The following DCC variants were observed in gnomAD, a reference collection of about 807,000 sequenced individuals.
The protein encoded by DCC is netrin receptor DCC.
In DCC, 58 loss-of-function variants were observed where a neutral mutation model predicts 172.5. The ratio of observed to expected loss-of-function variants is 0.34; its 90% CI spans 0.27 to 0.42. The LOEUF (loss-of-function observed/expected upper bound fraction) is 0.42, where lower values mean the gene tolerates loss of function less well. DCC is among the 10% of genes least tolerant of loss of function. The probability of loss-of-function intolerance (pLI) is 1.00; values close to 1 mark genes in which losing one functional copy is unlikely to be tolerated. For synonymous variants in DCC, 709 were observed against 644.5 expected, an observed-to-expected ratio of 1.10 and a Z score of -1.52; for missense variants, 1,740 against 1,791.0, an observed-to-expected ratio of 0.97 and a Z score of 0.51.
At chr18:53,446,597 A>G (rs1173278846) in intron 22 of DCC, among the ~76,000 whole-genome samples, 1 of 152,184 alleles carries the variant, frequency 6.6e-6, no homozygotes, top group Non-Finnish European at 1.5e-5. Context: ...ATAGATCCTC[A>G]TTACTTGCAG....
At chr18:53,247,668 A>T (rs2056381583) in intron 12 of DCC, among the ~76,000 whole-genome samples, 1 of 151,980 alleles carries the variant, frequency 6.6e-6, no homozygotes, top group Non-Finnish European at 1.5e-5. Flanking sequence ...ATAGATGTTA[A>T]TTTTTAAAAT....
intron 1 of DCC, among the ~76,000 whole-genome samples, chr18:52,367,562 GC>G (rs1401836580): frequency 2.0e-5 from 3 of 152,294 alleles, no homozygotes; most frequent in Admixed American, 1.3e-4. Context: ...AGTCCTTGTT[GC>G]TTGTGTCATC....
intron 1 of DCC, among the ~76,000 whole-genome samples, chr18:52,553,482 A>C (rs1026508066): frequency 1.1e-4 from 16 of 152,084 alleles, no homozygotes; most frequent in Non-Finnish European, 1.3e-4. Context: ...ACCAGGCGAC[A>C]CAAAGAGAAT....
At chr18:53,424,954 C>T (rs1007121671) in intron 21 of DCC, among the ~76,000 whole-genome samples, 41 of 152,184 alleles carry the variant, frequency 2.7e-4, no homozygotes, top group Admixed American at 2.0e-3. Flanking sequence ...CCTTGTATCC[C>T]GAGCCCTGGA....
intron 6 of DCC, among the ~76,000 whole-genome samples, chr18:53,064,785 G>A (rs1454634759): frequency 6.6e-6 from 1 of 152,100 alleles, no homozygotes; most frequent in Non-Finnish European, 1.5e-5. Context: ...TAAAGGCGAT[G>A]TTATTTCCAC....
chr18:52,546,727 G>C (rs1419883625), intron 1 of DCC, among the ~76,000 whole-genome samples: 1 of 151,922 alleles, frequency 6.6e-6, no homozygotes. Context: ...TGGAACCCAG[G>C]TATCTCGAGA....
At chr18:53,130,989 A>G (rs1188946346) in intron 7 of DCC, among the ~76,000 whole-genome samples, 1 of 152,122 alleles carries the variant, frequency 6.6e-6, no homozygotes, top group Non-Finnish European at 1.5e-5. Flanking sequence ...GCTGATGAAC[A>G]GCAAATGTAG....
intron 7 of DCC, among the ~76,000 whole-genome samples, chr18:53,096,492 T>C (rs1030425044): frequency 3.9e-5 from 6 of 152,148 alleles, no homozygotes; most frequent in African/African-American, 1.4e-4. Flanking sequence ...GAGTTTGAAT[T>C]TGCAGTTGAA....
chr18:52,346,869 A>G (rs531005809), intron 1 of DCC, among the ~76,000 whole-genome samples: 5 of 152,296 alleles, frequency 3.3e-5, no homozygotes, highest in South Asian at 2.1e-4. Flanking sequence ...ACTTTAGCTT[A>G]ATTTCACTAA....
chr18:52,802,790 G>T (rs191139208), intron 2 of DCC, among the ~76,000 whole-genome samples: 1 of 150,134 alleles, frequency 6.7e-6, no homozygotes, highest in East Asian at 2.0e-4. Flanking sequence ...ACAGACAGGC[G>T]CTACTGTAGC....
intron 1 of DCC, among the ~76,000 whole-genome samples, chr18:52,663,924 C>T (rs1425304158): frequency 6.6e-6 from 1 of 152,022 alleles, no homozygotes; most frequent in African/African-American, 2.4e-5. Flanking sequence ...CAGAAAACTA[C>T]ATTCTCACTT....
intron 27 of DCC, among the ~76,000 whole-genome samples, chr18:53,518,629 C>G (rs971466): frequency 6.6e-6 from 1 of 152,086 alleles, no homozygotes; most frequent in Admixed American, 6.5e-5. Flanking sequence ...TTTATTTTTT[C>G]CTCTTAGTGG....
chr18:53,441,436 A>C (rs1456443215), intron 22 of DCC, among the ~76,000 whole-genome samples: 1 of 152,068 alleles, frequency 6.6e-6, no homozygotes, highest in African/African-American at 2.4e-5. Context: ...ATGCAGAGAG[A>C]GATCAATGTT....
At chr18:52,866,186 A>G (rs971468655) in intron 2 of DCC, among the ~76,000 whole-genome samples, 5 of 152,180 alleles carry the variant, frequency 3.3e-5, no homozygotes, top group Non-Finnish European at 7.3e-5. Context: ...TAGGTTTCTT[A>G]AAGATCAGAA....
intron 21 of DCC, among the ~76,000 whole-genome samples, chr18:53,434,536 G>A (rs1447601669): frequency 6.6e-6 from 1 of 152,096 alleles, no homozygotes; most frequent in African/African-American, 2.4e-5. Flanking sequence ...TTCCAATAAT[G>A]CTATACTGAA....
chr18:53,106,417 G>A (rs2043248544), intron 7 of DCC, among the ~76,000 whole-genome samples: 1 of 151,912 alleles, frequency 6.6e-6, no homozygotes, highest in Admixed American at 6.6e-5. Context: ...CTCTGGGCAT[G>A]TTATTCTCTC....
chr18:52,497,111 A>G (rs1275324401), intron 1 of DCC, among the ~76,000 whole-genome samples: 1 of 150,984 alleles, frequency 6.6e-6, no homozygotes, highest in East Asian at 1.9e-4. Flanking sequence ...AAAAAAAATA[A>G]TTAGCCGGGC....
intron 1 of DCC, among the ~76,000 whole-genome samples, chr18:52,565,954 G>A (rs891767845): frequency 1.1e-4 from 17 of 152,014 alleles, no homozygotes; most frequent in Non-Finnish European, 2.9e-5. Flanking sequence ...TTTCTTTGAG[G>A]GTTTGTATGG....
intron 8 of DCC, among the ~76,000 whole-genome samples, chr18:53,162,803 T>C (rs184777274): frequency 6.6e-6 from 1 of 152,352 alleles, no homozygotes; most frequent in African/African-American, 2.4e-5. Context: ...TTTATTACCT[T>C]GTACTTACAA....
Sources: allele counts gnomAD v4.1 joint callset (sites outside exome capture counted in the v4.1 genomes callset), GRCh38; gene constraint gnomAD v4.1.1; transcripts MANE v1.5; gene names NCBI Gene and HGNC (gene_info 2026-07-23, HGNC 2026-07-21).